Variants in ADCY9 observed in about 807,000 individuals in gnomAD.
The protein encoded by ADCY9 is adenylate cyclase type 9.
A neutral mutation model predicts 101.5 loss-of-function variants in ADCY9; 50 were observed. The ratio of observed to expected loss-of-function variants is 0.49; its 90% CI spans 0.39 to 0.62. The LOEUF (loss-of-function observed/expected upper bound fraction) is 0.62, where lower values mean the gene tolerates loss of function less well. ADCY9 is among the 20% of genes least tolerant of loss of function. The probability of loss-of-function intolerance (pLI) is 0.00; values close to 1 mark genes in which losing one functional copy is unlikely to be tolerated. For synonymous variants in ADCY9, 905 were observed against 769.3 expected (o/e 1.18, Z -2.92); for missense variants, 1,662 against 1,800.4 (o/e 0.92, Z 1.39).
intron 3 of ADCY9, among the ~76,000 whole-genome samples, chr16:4,003,725 T>G (rs1474715392): frequency 6.6e-6 from 1 of 152,100 alleles, no homozygotes; most frequent in Non-Finnish European, 1.5e-5. Context: ...CCACTGCACC[T>G]GGCTGCAGTT....
At chr16:4,084,269 G>A (rs888885430) in intron 2 of ADCY9, among the ~76,000 whole-genome samples, 4 of 151,804 alleles carry the variant, frequency 2.6e-5, no homozygotes, top group East Asian at 1.9e-4. Context: ...CCACCACCAC[G>A]CCCAGCTAAT....
intron 2 of ADCY9, among the ~76,000 whole-genome samples, chr16:4,074,541 A>AC (rs1372036954): frequency 6.6e-6 from 1 of 151,256 alleles, no homozygotes; most frequent in African/African-American, 2.4e-5. Context: ...CAAAAAAAAA[A>AC]AAACAAAATT....
chr16:3,980,331 C>A lies in ADCY9; in HGVS notation c.2520-1056G>T, dbSNP rs1051744473. Among the ~76,000 whole-genome samples, 2 of 152,194 alleles carry A rather than the reference C, an allele frequency of 1.3e-5. 1 individual carries two copies. The highest frequency in any genetic ancestry group is 4.8e-5 in the African/African-American group (2 of 41,456). ...AGCTGAGTGTGCGGGCCAAGAACCACTGTGAGGAGGAGGAACAGGTCTTGG... is the reference window on the plus strand; with the variant it reads ...AGCTGAGTGTGCGGGCCAAGAACCAATGTGAGGAGGAGGAACAGGTCTTGG... On this transcript the variant is annotated intron_variant, in intron 7 of 10. Coordinates refer to ENST00000294016, the MANE Select transcript of ADCY9 (RefSeq NM_001116.4).
In ADCY9 at chr16:3,966,069, C is replaced by T. The variant is rs757002362; in HGVS notation, c.3768G>A (p.Leu1256=). ...TDHRVIPQHQ[L]SISPDIRVQV... ...GGACGCGGATGTCTGGGGAGATGGA[C>T]AGCTGGTGCTGTGGGATGACCCTGT... The change falls in exon 11 of 11, where the codon CTG becomes CTA. Residue 1256 remains leucine, a synonymous_variant. Coordinates refer to ENST00000294016, the MANE Select transcript of ADCY9 (RefSeq NM_001116.4). The T allele has an allele frequency of 6.2e-7, 1 of 1,614,120 alleles. No individual in the cohort carries two copies. Among genetic ancestry groups the T allele is most frequent in the East Asian group, 2.2e-5 (1 of 44,892 alleles).
At chr16:4,045,310 A>AACGCGGCTGGGCACGGTGGT (rs1204008272) in intron 2 of ADCY9, among the ~76,000 whole-genome samples, 3 of 152,064 alleles carry the variant, frequency 2.0e-5, no homozygotes, top group Admixed American at 1.3e-4. Flanking sequence ...GAAGGAGCCA[A>AACGCGGCTGGGCACGGTGGT]ACGCGGCTGG....
chr16:4,043,663 C>A (rs111354536), intron 2 of ADCY9, among the ~76,000 whole-genome samples: 4,988 of 152,128 alleles, frequency 0.033, 287 homozygotes, highest in African/African-American at 0.11. Context: ...GCATTCCAAC[C>A]TGAGCAACAG....
intron 2 of ADCY9, among the ~76,000 whole-genome samples, chr16:4,096,188 T>C (rs967742253): frequency 2.0e-4 from 31 of 152,274 alleles, no homozygotes; most frequent in Non-Finnish European, 1.0e-4. Context: ...GGAGCTTCCC[T>C]ATGCTAAATG....
intron 3 of ADCY9, among the ~76,000 whole-genome samples, chr16:4,007,098 C>A (rs2056371732): frequency 6.6e-6 from 1 of 152,134 alleles, no homozygotes; most frequent in African/African-American, 2.4e-5. Flanking sequence ...CACCACAGGT[C>A]CCAGGAAGAG....
chr16:4,111,273 G>T lies in ADCY9; in HGVS notation c.1693+2477C>A, dbSNP rs555817348. 4.2e-3 allele frequency among the ~76,000 whole-genome samples: 624 copies of T among 147,510 alleles called. 3 individuals carry two copies. Among genetic ancestry groups the T allele is most frequent in the African/African-American group, 0.014 (572 of 39,742 alleles). ...AAAGGCTAATACACCCAGTATTGGG[G>T]TTTTTTTTGTTTTTGTTGTTGTTGT... On this transcript the variant is annotated intron_variant, in intron 2 of 10. Transcript: ENST00000294016.
chr16:3,999,623 G>A (rs2056316074), intron 3 of ADCY9, among the ~76,000 whole-genome samples: 1 of 152,182 alleles, frequency 6.6e-6, no homozygotes, highest in Admixed American at 6.5e-5. Context: ...GACTTCTAAG[G>A]TCCTCCCAGC....
intron 7 of ADCY9, among the ~76,000 whole-genome samples, chr16:3,980,340 G>C (rs889350746): frequency 6.6e-6 from 1 of 152,236 alleles, no homozygotes; most frequent in Non-Finnish European, 1.5e-5. Context: ...ACTGTGAGGA[G>C]GAGGAACAGG....
intron 2 of ADCY9, among the ~76,000 whole-genome samples, chr16:4,096,925 C>A (rs1307356185): frequency 6.6e-6 from 1 of 152,030 alleles, no homozygotes; most frequent in Non-Finnish European, 1.5e-5. Flanking sequence ...AATAGCATTA[C>A]ATAAAAATCC....
chr16:4,029,587 A>C (rs1229919195), intron 2 of ADCY9, among the ~76,000 whole-genome samples: 4 of 152,142 alleles, frequency 2.6e-5, no homozygotes, highest in Non-Finnish European at 5.9e-5. Context: ...TCTCTACTAA[A>C]AATACAAAAA....
chr16:4,100,528 G>A (rs1193132278), intron 2 of ADCY9, among the ~76,000 whole-genome samples: 1 of 151,856 alleles, frequency 6.6e-6, no homozygotes, highest in African/African-American at 2.4e-5. Flanking sequence ...ACGGGGTTTT[G>A]CCATGTCGGA....
At position 3,965,882 on chromosome 16, in the gene ADCY9, C is replaced by T. The variant is rs146352467; in HGVS notation, c.3955G>A (p.Glu1319Lys). 2.9e-5 allele frequency: 47 copies of T among 1,614,112 alleles called. No individual in the cohort carries two copies. The highest frequency in any genetic ancestry group is 4.0e-5 in the African/African-American group (3 of 74,946). ...KRPWKEPVKA[E>K]ERGRFGKAIE... ...GCTTTGCCAAATCGACCCCTTTCTT[C>T]GGCTTTGACGGGCTCCTTCCACGGT... The change falls in exon 11 of 11, where the codon GAA becomes AAA. Residue 1319 changes from glutamate (E) to lysine (K), a missense_variant. By Grantham distance (56) the Glu-to-Lys change is moderately conservative (BLOSUM62 1). This residue lies in a region of ADCY9 where 168 missense variants were observed against 155.3 expected (regional missense o/e 1.08). Transcript: ENST00000294016.
chr16:4,003,563 C>CTTTTT (rs34344577), intron 3 of ADCY9, among the ~76,000 whole-genome samples: 31 of 124,454 alleles, frequency 2.5e-4, no homozygotes, highest in Non-Finnish European at 3.4e-4. Context: ...TCTTTCTTTT[C>CTTTTT]TTTTTTTTTT....
In ADCY9 at chr16:3,993,386, A is replaced by G; in HGVS notation, c.1989+20T>C. 1 of 1,611,726 alleles carries G rather than the reference A, an allele frequency of 6.2e-7. No individual in the cohort carries two copies. Among genetic ancestry groups the G allele is most frequent in the Non-Finnish European group, 8.5e-7 (1 of 1,177,876 alleles). On this transcript the variant is annotated intron_variant, in intron 4 of 10. Coordinates refer to ENST00000294016, the MANE Select transcript of ADCY9 (RefSeq NM_001116.4). The stretch of plus-strand genomic sequence containing the variant: ...CGCCAGGAGAGGAACTGACAGGAAC[A>G]ACAGCCATGAGCTTGTTACCTTGGT...
intron 3 of ADCY9, among the ~76,000 whole-genome samples, chr16:4,001,652 G>A (rs557499750): frequency 1.9e-4 from 29 of 152,094 alleles, no homozygotes; most frequent in African/African-American, 5.3e-4. Flanking sequence ...AGACTCAAGC[G>A]ATCCTCCCAC....
At chr16:3,979,755 T>C (rs568306580) in intron 7 of ADCY9, among the ~76,000 whole-genome samples, 1 of 152,290 alleles carries the variant, frequency 6.6e-6, no homozygotes, top group African/African-American at 2.4e-5. Flanking sequence ...GACAGAGCTG[T>C]CCTGCATGTG....
Sources: allele counts gnomAD v4.1 joint callset (sites outside exome capture counted in the v4.1 genomes callset), GRCh38; gene constraint gnomAD v4.1.1; regional missense constraint gnomAD v4.1.1; transcripts MANE v1.5; gene names NCBI Gene and HGNC (gene_info 2026-07-23, HGNC 2026-07-21).